The following IGF2BP3 variants were observed in gnomAD, a reference collection of about 807,000 sequenced individuals.
The protein encoded by IGF2BP3 is insulin like growth factor 2 mRNA binding protein 3, also known as insulin-like growth factor 2 mRNA-binding protein 3.
Under a neutral mutation model 73.8 loss-of-function variants are expected in IGF2BP3, and 9 were observed. The observed-to-expected ratio is 0.12, with a 90% CI of 0.07 to 0.21. The LOEUF (loss-of-function observed/expected upper bound fraction) is 0.21, where lower values mean the gene tolerates loss of function less well. Ranked by LOEUF, IGF2BP3 falls within the 10% of genes least tolerant of loss-of-function variation. IGF2BP3 has a pLI of 1.00. For synonymous variants in IGF2BP3, 258 were observed against 256.7 expected, an observed-to-expected ratio of 1.01 and a Z score of -0.05; for missense variants, 542 against 714.0, an observed-to-expected ratio of 0.76 and a Z score of 2.75.
Position 23,310,593 on chromosome 7 carries a change from G to T in IGF2BP3, c.*1769C>A, listed in dbSNP as rs1490823122. ...ATGATTTTAGCAATTTTAATTCATTGTATGAAAAAAAAATCATGAATGCTA... is the reference window on the plus strand; with the variant it reads ...ATGATTTTAGCAATTTTAATTCATTTTATGAAAAAAAAATCATGAATGCTA... On this transcript the variant is annotated 3_prime_UTR_variant, in exon 15 of 15. Coordinates refer to ENST00000258729, the MANE Select transcript of IGF2BP3 (RefSeq NM_006547.3). 1 of 152,096 alleles carries T rather than the reference G, an allele frequency of 6.6e-6. No homozygotes were observed. Among genetic ancestry groups the T allele is most frequent in the African/African-American group, 2.4e-5 (1 of 41,496 alleles). The allele number at this position is 152,096 out of a possible 1,614,324, so 9.4% of individuals were successfully genotyped here.
intron 2 of IGF2BP3, among the ~76,000 whole-genome samples, chr7:23,457,034 G>A (rs1788339516): frequency 6.6e-6 from 1 of 150,504 alleles, no homozygotes; most frequent in African/African-American, 2.4e-5. Flanking sequence ...AGTCGACAGA[G>A]CAAGACTCTG....
intron 2 of IGF2BP3, among the ~76,000 whole-genome samples, chr7:23,449,344 C>T (rs568981725): frequency 1.3e-5 from 2 of 151,706 alleles, no homozygotes; most frequent in East Asian, 4.0e-4. Context: ...GGTGAAACCC[C>T]GTCTCTACTA....
intron 2 of IGF2BP3, among the ~76,000 whole-genome samples, chr7:23,426,470 A>C (rs963782916): frequency 1.3e-5 from 2 of 152,220 alleles, no homozygotes; most frequent in African/African-American, 4.8e-5. Context: ...GGTATGTTCA[A>C]ATCAGTATTC....
intron 2 of IGF2BP3, among the ~76,000 whole-genome samples, chr7:23,457,566 C>T (rs1788352542): frequency 6.6e-6 from 1 of 152,278 alleles, no homozygotes; most frequent in East Asian, 1.9e-4. Flanking sequence ...TAAATTATTG[C>T]ACACCTATGC....
rs1788688293 is a variant in IGF2BP3 at position 23,470,356 on chromosome 7, C to T, written c.-246G>A. ...AAGCCTAGCTACAACCCAAACGCAT[C>T]CACCAGTCTTCCTAAGTCTTAGGAG... On this transcript the variant is annotated 5_prime_UTR_variant, in exon 1 of 15. Transcript: ENST00000258729. 1 of 302,344 alleles carries T rather than the reference C, an allele frequency of 3.3e-6. No homozygotes were observed. Among genetic ancestry groups the T allele is most frequent in the African/African-American group, 2.2e-5 (1 of 45,952 alleles). The allele number at this position is 302,344 out of a possible 1,614,324, so 18.7% of individuals were successfully genotyped here.
At position 23,469,073 on chromosome 7, in the gene IGF2BP3, C is replaced by G. The variant is rs1788640188; in HGVS notation, c.176-531G>C. ...GAACTGGCAGAGGCGCAGCTCGGCA[C>G]AGGCTGAACCAGGCGCGAAGGACGG... On this transcript the variant is annotated intron_variant, in intron 1 of 14. Transcript: ENST00000258729. The surrounding 1 kb of genome is among the most constrained non-coding windows in gnomAD (Gnocchi z 6.1). Among the ~76,000 whole-genome samples the G allele has an allele frequency of 1.3e-5, 2 of 152,204 alleles. No individual in the cohort carries two copies. Among genetic ancestry groups the G allele is most frequent in the Admixed American group, 1.3e-4 (2 of 15,294 alleles).
intron 3 of IGF2BP3, among the ~76,000 whole-genome samples, chr7:23,373,451 C>T (rs1051341029): frequency 2.0e-5 from 3 of 151,766 alleles, no homozygotes; most frequent in African/African-American, 7.3e-5. Flanking sequence ...ATCAAAACCA[C>T]AAGGAGATAC....
intron 3 of IGF2BP3, among the ~76,000 whole-genome samples, chr7:23,376,799 G>A (rs912626295): frequency 2.0e-5 from 3 of 152,074 alleles, no homozygotes; most frequent in Non-Finnish European, 4.4e-5. Context: ...CCCAGAAGGC[G>A]GAGGCTGCAA....
intron 3 of IGF2BP3, among the ~76,000 whole-genome samples, chr7:23,405,826 G>A (rs1786811397): frequency 6.6e-6 from 1 of 152,138 alleles, no homozygotes; most frequent in Admixed American, 6.5e-5. Context: ...GGGCTGTATG[G>A]ATTTCCTGAG....
chr7:23,334,384 C>T (rs1192760319), intron 10 of IGF2BP3, among the ~76,000 whole-genome samples: 1 of 152,136 alleles, frequency 6.6e-6, no homozygotes, highest in African/African-American at 2.4e-5. Flanking sequence ...CTAGAACAAG[C>T]CTGTGTCAGG....
At chr7:23,327,074 AT>A (rs1158388089) in intron 10 of IGF2BP3, among the ~76,000 whole-genome samples, 5 of 138,714 alleles carry the variant, frequency 3.6e-5, no homozygotes, top group African/African-American at 9.0e-5. Flanking sequence ...TAATAAATAA[AT>A]TAATTAATTA....
At chr7:23,420,511 A>G (rs1787315388) in intron 2 of IGF2BP3, among the ~76,000 whole-genome samples, 2 of 152,108 alleles carry the variant, frequency 1.3e-5, no homozygotes, top group Admixed American at 1.3e-4. Flanking sequence ...AAAAATAAAA[A>G]ACAGAAAAAA....
chr7:23,352,754 C>A (rs929865073), intron 5 of IGF2BP3, among the ~76,000 whole-genome samples: 1 of 152,110 alleles, frequency 6.6e-6, no homozygotes, highest in Non-Finnish European at 1.5e-5. Context: ...TAGTCACTGC[C>A]CCCCTACCCC....
chr7:23,317,204 G>T (rs951757160), intron 12 of IGF2BP3, among the ~76,000 whole-genome samples: 1 of 152,170 alleles, frequency 6.6e-6, no homozygotes, highest in Non-Finnish European at 1.5e-5. Context: ...AGATCCCAGG[G>T]ATTAGAGAGA....
At chr7:23,427,403 T>C (rs1174628284) in intron 2 of IGF2BP3, among the ~76,000 whole-genome samples, 1 of 152,122 alleles carries the variant, frequency 6.6e-6, no homozygotes, top group African/African-American at 2.4e-5. Context: ...CTTGAAATCA[T>C]CTCCAAAATA....
At chr7:23,462,320 G>C (rs1378482698) in intron 2 of IGF2BP3, among the ~76,000 whole-genome samples, 1 of 151,824 alleles carries the variant, frequency 6.6e-6, no homozygotes, top group Non-Finnish European at 1.5e-5. Context: ...AAAGACTTAG[G>C]CTCCTTTCAG....
chr7:23,441,636 G>GAAA (rs1350391947), intron 2 of IGF2BP3, among the ~76,000 whole-genome samples: 1 of 120,546 alleles, frequency 8.3e-6, no homozygotes, highest in Non-Finnish European at 1.8e-5. Context: ...TAGATTTAGG[G>GAAA]AAAAAAAAAA....
At chr7:23,318,590 C>T (rs756118996) in intron 11 of IGF2BP3, among the ~76,000 whole-genome samples, 7 of 152,114 alleles carry the variant, frequency 4.6e-5, no homozygotes, top group Non-Finnish European at 8.8e-5. Flanking sequence ...TTATCTATTA[C>T]GGCAGACACC....
At chr7:23,327,563 G>A (rs1223704880) in intron 10 of IGF2BP3, among the ~76,000 whole-genome samples, 1 of 152,104 alleles carries the variant, frequency 6.6e-6, no homozygotes, top group Non-Finnish European at 1.5e-5. Context: ...TTACAGGCGT[G>A]AGCCACCGCA....
Sources: gnomAD v4.1 joint callset for allele counts (sites outside exome capture counted in the v4.1 genomes callset) on GRCh38, gnomAD v4.1.1 for gene constraint, Gnocchi (gnomAD v3.1) non-coding constraint, MANE v1.5 for transcripts, NCBI Gene and HGNC (gene_info 2026-07-23, HGNC 2026-07-21) for gene names.